The following MARCHF5 variants were observed in gnomAD, a reference collection of about 807,000 sequenced individuals.
The protein encoded by MARCHF5 is membrane associated ring-CH-type finger 5.
In MARCHF5, 5 loss-of-function variants were observed where a neutral mutation model predicts 36.5. That is an observed-to-expected ratio of 0.14 (90% CI 0.07 to 0.29). The LOEUF (loss-of-function observed/expected upper bound fraction) is 0.29. MARCHF5 is among the 10% of genes least tolerant of loss of function. MARCHF5 has a pLI of 1.00. For missense variants in MARCHF5, 179 were observed against 336.3 expected, an observed-to-expected ratio of 0.53 and a Z score of 3.66; for synonymous variants, 103 against 109.9, an observed-to-expected ratio of 0.94 and a Z score of 0.39.
chr10:92,339,884 C>T (rs920190817), intron 2 of MARCHF5, among the ~76,000 whole-genome samples: 1 of 151,948 alleles, frequency 6.6e-6, no homozygotes, highest in African/African-American at 2.4e-5. Context: ...AATAATAGAA[C>T]ATAATTGGTA....
chr10:92,351,048 C>A (rs371673717), intron 5 of MARCHF5, 43 bp from the exon 6 acceptor site: 2 of 1,083,188 alleles, frequency 1.8e-6, no homozygotes, highest in Non-Finnish European at 2.8e-6. Context: ...CTCTGTTTCT[C>A]TAAATCTGCA....
chr10:92,321,614 A>G (rs141770481), intron 2 of MARCHF5, among the ~76,000 whole-genome samples: 1 of 152,154 alleles, frequency 6.6e-6, no homozygotes, highest in Non-Finnish European at 1.5e-5. Flanking sequence ...TGTTTTTTAA[A>G]AGAGTTTGTG....
intron 2 of MARCHF5, 41 bp from the exon 3 acceptor site, chr10:92,340,632 C>A: frequency 6.5e-7 from 1 of 1,534,970 alleles, no homozygotes; most frequent in South Asian, 1.3e-5. Context: ...TTTAAAAGTT[C>A]ACCCTGTGTT....
At chr10:92,327,440 A>G (rs780768489) in intron 2 of MARCHF5, among the ~76,000 whole-genome samples, 3 of 152,024 alleles carry the variant, frequency 2.0e-5, no homozygotes, top group East Asian at 1.9e-4. Context: ...CTTGTTTCCA[A>G]TCTTTTACTG....
intron 2 of MARCHF5, among the ~76,000 whole-genome samples, chr10:92,331,515 AG>A (rs1843435664): frequency 6.6e-6 from 1 of 151,914 alleles, no homozygotes; most frequent in Non-Finnish European, 1.5e-5. Flanking sequence ...TTGCATTGGA[AG>A]TTTTCAGTTG....
intron 1 of MARCHF5, among the ~76,000 whole-genome samples, chr10:92,308,948 G>C (rs564871956): frequency 6.6e-6 from 1 of 151,994 alleles, no homozygotes; most frequent in Non-Finnish European, 1.5e-5. Context: ...CTTGTGATCC[G>C]CCCGCTTCAG....
intron 3 of MARCHF5, among the ~76,000 whole-genome samples, chr10:92,341,410 A>AG (rs1391978854): frequency 1.3e-5 from 2 of 152,178 alleles, no homozygotes; most frequent in African/African-American, 4.8e-5. Context: ...CTCAAAAAAA[A>AG]CAGTGCTACA....
chr10:92,339,977 A>G (rs564919529), intron 2 of MARCHF5, among the ~76,000 whole-genome samples: 1 of 152,354 alleles, frequency 6.6e-6, no homozygotes, highest in East Asian at 1.9e-4. Flanking sequence ...AATTAAATAC[A>G]GCATATTGAA....
chr10:92,337,456 A>G (rs1233033609), intron 2 of MARCHF5, among the ~76,000 whole-genome samples: 2 of 152,160 alleles, frequency 1.3e-5, no homozygotes, highest in East Asian at 3.9e-4. Context: ...AAGAGGTTGC[A>G]GCAGTGAGCC....
chr10:92,349,292 C>T, intron 3 of MARCHF5, 57 bp from the exon 4 acceptor site: 2 of 1,273,586 alleles, frequency 1.6e-6, no homozygotes, highest in Non-Finnish European at 2.1e-6. Flanking sequence ...TAGAGCTTAA[C>T]ATGCAACACC....
intron 2 of MARCHF5, among the ~76,000 whole-genome samples, chr10:92,337,535 A>C (rs1843518722): frequency 6.6e-6 from 1 of 152,174 alleles, no homozygotes. Flanking sequence ...AATAAAAATA[A>C]ATAAAACATA....
chr10:92,349,369 T>G lies in MARCHF5; in HGVS notation c.390T>G (p.Gly130=). The part of the protein sequence containing the change: ...TVMQVVGHKE[G]LDVMERADPL... ...CACAGGTTGTAGGTCATAAAGAAGG[T>G]CTGGATGTTATGGAGAGAGCTGATC... Residue 130 remains glycine (G), a synonymous_variant, in exon 4 of 6, where the codon GGT becomes GGG. Transcript: ENST00000358935. 6.2e-7 allele frequency: 1 copy of G among 1,612,966 alleles called. No homozygotes were observed.
intron 3 of MARCHF5, among the ~76,000 whole-genome samples, chr10:92,342,266 A>G (rs1843589954): frequency 6.6e-6 from 1 of 151,756 alleles, no homozygotes; most frequent in African/African-American, 2.4e-5. Flanking sequence ...CTCCTGCCTC[A>G]ACCTCCCAAG....
At chr10:92,292,446 A>G (rs1007418279) in intron 1 of MARCHF5, among the ~76,000 whole-genome samples, 6 of 152,210 alleles carry the variant, frequency 3.9e-5, no homozygotes, top group African/African-American at 1.4e-4. Flanking sequence ...AGCAGGTGGT[A>G]CCAACTCTTT....
chr10:92,339,179 G>A (rs1250042944), intron 2 of MARCHF5, among the ~76,000 whole-genome samples: 1 of 151,952 alleles, frequency 6.6e-6, no homozygotes, highest in Non-Finnish European at 1.5e-5. Flanking sequence ...AGACCAACCT[G>A]GCCAACAGGG....
intron 2 of MARCHF5, among the ~76,000 whole-genome samples, chr10:92,324,421 G>A (rs1843329238): frequency 6.6e-6 from 1 of 152,074 alleles, no homozygotes; most frequent in Admixed American, 6.5e-5. Flanking sequence ...GAGTGCAGTG[G>A]CACAGTCTTG....
chr10:92,330,342 GTA>G (rs929956150), intron 2 of MARCHF5, among the ~76,000 whole-genome samples: 1 of 152,188 alleles, frequency 6.6e-6, no homozygotes, highest in African/African-American at 2.4e-5. Context: ...ATGAATAAAA[GTA>G]GCTGAATTAC....
chr10:92,349,052 G>GA (rs1440947657), intron 3 of MARCHF5, among the ~76,000 whole-genome samples: 1 of 152,072 alleles, frequency 6.6e-6, no homozygotes, highest in Non-Finnish European at 1.5e-5. Context: ...TCAAATAAAG[G>GA]AATAGAAGCA....
chr10:92,301,781 G>A (rs998628490), intron 1 of MARCHF5, among the ~76,000 whole-genome samples: 11 of 152,070 alleles, frequency 7.2e-5, no homozygotes, highest in Non-Finnish European at 1.2e-4. Context: ...AATACAGGCC[G>A]GGTGCAGGGG....
Sources: gnomAD v4.1 joint callset for allele counts (sites outside exome capture counted in the v4.1 genomes callset) on GRCh38, gnomAD v4.1.1 for gene constraint, MANE v1.5 for transcripts, NCBI Gene and HGNC (gene_info 2026-07-23, HGNC 2026-07-21) for gene names.